The following SLC24A3 variants were observed in gnomAD, a reference collection of about 807,000 sequenced individuals.
SLC24A3 encodes sodium/potassium/calcium exchanger 3.
A neutral mutation model predicts 75.8 loss-of-function variants in SLC24A3; 28 were observed. The ratio of observed to expected loss-of-function variants is 0.37; its 90% CI spans 0.27 to 0.51. The LOEUF (loss-of-function observed/expected upper bound fraction) is 0.51, where lower values mean the gene tolerates loss of function less well. Ranked by LOEUF, SLC24A3 falls within the 20% of genes least tolerant of loss-of-function variation. SLC24A3 has a pLI of 0.94. For synonymous variants in SLC24A3, 372 were observed against 334.1 expected (o/e 1.11, Z -1.24); for missense variants, 663 against 847.8 (o/e 0.78, Z 2.71).
intron 2 of SLC24A3, among the ~76,000 whole-genome samples, chr20:19,366,992 G>C (rs1213479964): frequency 6.6e-6 from 1 of 152,170 alleles, no homozygotes; most frequent in Admixed American, 6.5e-5. Flanking sequence ...GGCCAGCCCT[G>C]ATATCCAAAA....
At chr20:19,527,695 C>T (rs554484174) in intron 3 of SLC24A3, among the ~76,000 whole-genome samples, 3 of 152,188 alleles carry the variant, frequency 2.0e-5, no homozygotes, top group African/African-American at 7.2e-5. Flanking sequence ...AGACCCTGCC[C>T]TGCAAAGACA....
chr20:19,355,345 CA>C (rs1190671393), intron 2 of SLC24A3, among the ~76,000 whole-genome samples: 1 of 152,064 alleles, frequency 6.6e-6, no homozygotes, highest in South Asian at 2.1e-4. Flanking sequence ...GATTAAAATC[CA>C]AAAAATGAGA....
intron 2 of SLC24A3, among the ~76,000 whole-genome samples, chr20:19,293,603 C>A (rs1174085461): frequency 4.7e-5 from 7 of 149,388 alleles, no homozygotes; most frequent in Non-Finnish European, 7.4e-5. Flanking sequence ...TTGCAGTGAG[C>A]CGAGATGGCA....
chr20:19,426,337 C>G (rs562122223), intron 2 of SLC24A3, among the ~76,000 whole-genome samples: 2 of 152,312 alleles, frequency 1.3e-5, no homozygotes, highest in African/African-American at 4.8e-5. Flanking sequence ...GAGCTATTTT[C>G]TTTCTTAGAA....
intron 3 of SLC24A3, among the ~76,000 whole-genome samples, chr20:19,573,462 A>T (rs2031084693): frequency 6.6e-6 from 1 of 152,232 alleles, no homozygotes; most frequent in Non-Finnish European, 1.5e-5. Context: ...TACCCAGCAC[A>T]GTATCTTCTG....
chr20:19,597,845 T>C (rs148695137), intron 6 of SLC24A3, among the ~76,000 whole-genome samples: 353 of 152,328 alleles, frequency 2.3e-3, no homozygotes, highest in African/African-American at 8.2e-3. Flanking sequence ...GTGCCTGGCT[T>C]ATTTTCACTG....
chr20:19,569,759 C>A (rs2031022051), intron 3 of SLC24A3, among the ~76,000 whole-genome samples: 1 of 152,158 alleles, frequency 6.6e-6, no homozygotes, highest in Non-Finnish European at 1.5e-5. Context: ...CCCCCTTCCC[C>A]ACACTTACCA....
At chr20:19,672,618 C>A (rs143122575) in intron 8 of SLC24A3, among the ~76,000 whole-genome samples, 64 of 152,198 alleles carry the variant, frequency 4.2e-4, no homozygotes, top group African/African-American at 1.4e-3. Flanking sequence ...ATTACAGGAG[C>A]GGGTCACTGT....
At chr20:19,553,065 CCT>C in intron 3 of SLC24A3, among the ~76,000 whole-genome samples, 6 of 93,134 alleles carry the variant, frequency 6.4e-5, no homozygotes, top group Non-Finnish European at 7.3e-5. Context: ...TTCCCTCCTT[CCT>C]TCCCTCCCTC....
Position 19,579,963 on chromosome 20 carries a change from ACTCTAACTTTAACCCCTTTTATCTC to A in SLC24A3, c.349-32_349-8del. 6.6e-7 allele frequency: 1 copy of A among 1,516,250 alleles called. No homozygotes were observed. The highest frequency in any genetic ancestry group is 9.1e-7 in the Non-Finnish European group (1 of 1,093,748). The allele number at this position is 1,516,250 out of a possible 1,614,324, so 93.9% of individuals were successfully genotyped here. A position where few individuals can be genotyped will look rare whatever the true frequency, so the allele number is the denominator to read the frequency against. On this transcript the variant is annotated splice_polypyrimidine_tract_variant and intron_variant, in intron 3 of 16. Coordinates refer to ENST00000328041, the MANE Select transcript of SLC24A3 (RefSeq NM_020689.4). ...ACGTTCATCTTCCTGGCTCTGCCTC[ACTCTAACTTTAACCCCTTTTATCTC>A]CTCTCTTCCAGGCCATATACATGTT...
chr20:19,489,012 G>C (rs1988168395), intron 2 of SLC24A3, among the ~76,000 whole-genome samples: 1 of 152,196 alleles, frequency 6.6e-6, no homozygotes, highest in African/African-American at 2.4e-5. Context: ...TATTTACTGA[G>C]ATCAGTCACA....
chr20:19,481,844 T>C (rs887927313), intron 2 of SLC24A3, among the ~76,000 whole-genome samples: 1 of 152,172 alleles, frequency 6.6e-6, no homozygotes, highest in African/African-American at 2.4e-5. Flanking sequence ...CTTAGGGTTC[T>C]TCTTTGAGCT....
chr20:19,225,775 T>C (rs192771626), intron 1 of SLC24A3, among the ~76,000 whole-genome samples: 2,543 of 152,318 alleles, frequency 0.017, 39 homozygotes, highest in Non-Finnish European at 0.023. Flanking sequence ...AGTTCATTCC[T>C]TTTTATGGCT....
intron 2 of SLC24A3, among the ~76,000 whole-genome samples, chr20:19,287,188 G>A (rs1983836252): frequency 6.6e-6 from 1 of 152,216 alleles, no homozygotes; most frequent in Non-Finnish European, 1.5e-5. Flanking sequence ...TTGCAAGAAG[G>A]GGTCCATGGA....
chr20:19,248,599 A>G (rs1243720518), intron 1 of SLC24A3, among the ~76,000 whole-genome samples: 1 of 152,172 alleles, frequency 6.6e-6, no homozygotes, highest in Non-Finnish European at 1.5e-5. Flanking sequence ...AGGTTCCTCA[A>G]AAAACTAAAA....
chr20:19,665,118 A>G (rs535122038), intron 7 of SLC24A3, among the ~76,000 whole-genome samples: 36 of 152,310 alleles, frequency 2.4e-4, no homozygotes, highest in African/African-American at 8.2e-4. Context: ...ATTCTCTTTC[A>G]AGTCCTAACT....
intron 2 of SLC24A3, among the ~76,000 whole-genome samples, chr20:19,457,783 G>T (rs1347366789): frequency 1.3e-5 from 2 of 152,212 alleles, no homozygotes; most frequent in African/African-American, 4.8e-5. Flanking sequence ...ATCTGGAAGA[G>T]GTTGAGGGAG....
At chr20:19,625,929 G>A (rs1306940491) in intron 6 of SLC24A3, among the ~76,000 whole-genome samples, 1 of 151,820 alleles carries the variant, frequency 6.6e-6, no homozygotes, top group Non-Finnish European at 1.5e-5. Context: ...TCTGATTCAC[G>A]TTTCTTTTGG....
chr20:19,377,595 A>G (rs977939613), intron 2 of SLC24A3, among the ~76,000 whole-genome samples: 1 of 152,176 alleles, frequency 6.6e-6, no homozygotes, highest in Non-Finnish European at 1.5e-5. Flanking sequence ...GAATGTAAAC[A>G]TTTTTCAAAA....
Sources: gnomAD v4.1 joint callset for allele counts (sites outside exome capture counted in the v4.1 genomes callset) on GRCh38, gnomAD v4.1.1 for gene constraint, MANE v1.5 for transcripts, NCBI Gene and HGNC (gene_info 2026-07-23, HGNC 2026-07-21) for gene names.